Variants in MYH13 observed in about 807,000 individuals in gnomAD.
MYH13 encodes myosin-13.
MYH13 carries 177 observed loss-of-function variants against 232.1 expected under a neutral mutation model. That is an observed-to-expected ratio of 0.76 (90% CI 0.67 to 0.86). The LOEUF is 0.86. Ranked by LOEUF, MYH13 falls within the 40% of genes least tolerant of loss-of-function variation. The pLI, the probability that MYH13 is intolerant of heterozygous loss-of-function variation, is 0.00. For synonymous variants in MYH13, 884 were observed against 923.5 expected, an observed-to-expected ratio of 0.96 and a Z score of 0.78; for missense variants, 2,246 against 2,405.9, an observed-to-expected ratio of 0.93 and a Z score of 1.39.
chr17:10,355,027 CCA>C (rs1214840867), intron 9 of MYH13, 34 bp from the exon 10 acceptor site: 56 of 1,610,534 alleles, frequency 3.5e-5, no homozygotes, highest in Non-Finnish European at 4.6e-5. Flanking sequence ...TTTCAGGCTC[CCA>C]AGAGATGCTT....
At chr17:10,340,302 A>G in intron 17 of MYH13, 26 bp downstream of exon 17, 1 of 1,613,772 alleles carries the variant, frequency 6.2e-7, no homozygotes, top group Non-Finnish European at 8.5e-7. Context: ...AAAACAAGTG[A>G]ATATGGAAGC....
At chr17:10,353,846 C>T (rs1028302135) in intron 11 of MYH13, among the ~76,000 whole-genome samples, 6 of 151,302 alleles carry the variant, frequency 4.0e-5, no homozygotes, top group Non-Finnish European at 8.8e-5. Flanking sequence ...GCACTCCAGC[C>T]TGGGCGACAG....
At chr17:10,334,770 T>C (rs1302309695) in intron 18 of MYH13, among the ~76,000 whole-genome samples, 1 of 152,086 alleles carries the variant, frequency 6.6e-6, no homozygotes, top group African/African-American at 2.4e-5. Context: ...TCTCAGCTAC[T>C]CGGGAGGCTG....
chr17:10,368,487 A>T (rs554388871), intron 2 of MYH13, among the ~76,000 whole-genome samples: 2 of 152,350 alleles, frequency 1.3e-5, no homozygotes. Flanking sequence ...GGAGACAACC[A>T]TCAAACTTTG....
At chr17:10,326,981 G>GTTTTTTTTTTTT (rs61543278) in intron 22 of MYH13, among the ~76,000 whole-genome samples, 728 of 55,832 alleles carry the variant, frequency 0.013, 340 homozygotes, top group Middle Eastern at 0.023. Flanking sequence ...ATGCCTACTA[G>GTTTTTTTTTTTT]TTTTTTTTTT....
chr17:10,331,987 G>T, intron 20 of MYH13, 112 bp downstream of exon 20: 2 of 1,389,990 alleles, frequency 1.4e-6, no homozygotes, highest in Non-Finnish European at 2.0e-6. Context: ...GGGCGACTGG[G>T]CAAGGACGGT....
intron 18 of MYH13, among the ~76,000 whole-genome samples, chr17:10,338,857 C>G (rs555628284): frequency 1.3e-5 from 2 of 152,036 alleles, no homozygotes; most frequent in Non-Finnish European, 1.5e-5. Context: ...CCCGCCACCA[C>G]GCCCAGCTAA....
intron 11 of MYH13, among the ~76,000 whole-genome samples, chr17:10,353,515 C>T (rs75997302): frequency 0.021 from 3,130 of 152,148 alleles, 99 homozygotes; most frequent in East Asian, 0.11. Flanking sequence ...TGCTCACAGA[C>T]GGTATACTTT....
Position 10,345,331 on chromosome 17 carries a change from C to T in MYH13, c.1455G>A (p.Glu485=), listed in dbSNP as rs576037565. The change falls in exon 15 of 41, where the codon GAG becomes GAA. Residue 485 remains glutamate, a synonymous_variant. Coordinates refer to ENST00000252172, the MANE Select transcript of MYH13 (RefSeq NM_003802.3). ...GGTGGTTGAAAAACTGTTGCAGTTT[C>T]TCATTGGTGAAGTTGATGCACAGCT... ...LEQLCINFTN[E]KLQQFFNHHM... 12 of 1,614,214 alleles carry T rather than the reference C, an allele frequency of 7.4e-6. No homozygotes were observed. The South Asian group carries it at 1.2e-4, about 16-fold the overall frequency.
chr17:10,343,992 G>T lies in MYH13; in HGVS notation c.1702C>A (p.Pro568Thr), dbSNP rs144732640. 5.2e-4 allele frequency: 833 copies of T among 1,614,216 alleles called. 4 individuals carry two copies. In the African/African-American group the frequency reaches 9.1e-3, roughly 18 times the overall value. ...TCAGCCTTGCCTTTGGCAGGCTTGGGCTTCTGGAAGTTGTTGGATTTTCCA... is the reference window on the plus strand; with the variant it reads ...TCAGCCTTGCCTTTGGCAGGCTTGGTCTTCTGGAAGTTGTTGGATTTTCCA... Reference protein sequence around the residue: ...HLGKSNNFQKPKPAKGKAEAH... With the variant: ...HLGKSNNFQKTKPAKGKAEAH... Residue 568 changes from proline to threonine, a missense_variant, in exon 16 of 41, where the codon CCC becomes ACC. By Grantham distance (38) the Pro-to-Thr change is conservative. Transcript: ENST00000252172.
intron 11 of MYH13, among the ~76,000 whole-genome samples, chr17:10,352,173 G>A (rs569743183): frequency 1.3e-5 from 2 of 152,042 alleles, no homozygotes; most frequent in South Asian, 4.2e-4. Flanking sequence ...CCCTTTTGGA[G>A]AATGTCATCT....
intron 7 of MYH13, 143 bp from the exon 8 acceptor site, chr17:10,357,970 G>A (rs1047835335): frequency 8.0e-6 from 5 of 624,378 alleles, no homozygotes; most frequent in African/African-American, 1.8e-5. Context: ...CAGCACCCAC[G>A]CCCCCACCCC....
chr17:10,347,663 A>C (rs2071675994), intron 12 of MYH13, among the ~76,000 whole-genome samples: 1 of 148,828 alleles, frequency 6.7e-6, no homozygotes, highest in Non-Finnish European at 1.5e-5. Flanking sequence ...GGGGGCCTGC[A>C]TTGAGCTCAT....
chr17:10,323,787 A>AGAAGAAGAAGAAGAAGAAG (rs1305383879), intron 23 of MYH13, among the ~76,000 whole-genome samples: 2 of 66,740 alleles, frequency 3.0e-5, no homozygotes, highest in African/African-American at 1.3e-4. Flanking sequence ...AAAAAAAAAA[A>AGAAGAAGAAGAAGAAGAAG]AAGAAGAAGA....
chr17:10,307,856 A>G (rs902990750), intron 35 of MYH13, among the ~76,000 whole-genome samples: 10 of 152,246 alleles, frequency 6.6e-5, no homozygotes, highest in African/African-American at 2.4e-4. Context: ...TAGTAATCAT[A>G]GAAGTATATG....
At chr17:10,318,688 T>C in intron 27 of MYH13, 102 bp downstream of exon 27, 1 of 1,447,074 alleles carries the variant, frequency 6.9e-7, no homozygotes, top group East Asian at 2.3e-5. Flanking sequence ...GGTTTCAGTG[T>C]AGAACATGCA....
At chr17:10,311,825 G>A in intron 32 of MYH13, 86 bp downstream of exon 32, 6 of 1,483,640 alleles carry the variant, frequency 4.0e-6, no homozygotes, top group Non-Finnish European at 5.6e-6. Context: ...GGAAGGAGGT[G>A]TCTGGAGATG....
At chr17:10,366,087 T>C (rs1399090335) in intron 2 of MYH13, among the ~76,000 whole-genome samples, 1 of 152,074 alleles carries the variant, frequency 6.6e-6, no homozygotes, top group Non-Finnish European at 1.5e-5. Context: ...AGCTCTCTGG[T>C]CCACAGCCTC....
In MYH13 at chr17:10,303,147, C is replaced by T. The variant is rs773464497; in HGVS notation, c.5667+49G>A. On this transcript the variant is annotated intron_variant, in intron 39 of 40. Transcript: ENST00000252172. ...AGGATGGCGGGGACACCCAGGATGC[C>T]CCAGGGACTGTCTGTCTGTGGGCAC... is the stretch of plus-strand genomic sequence containing the variant. 3.2e-6 allele frequency: 5 copies of T among 1,553,892 alleles called. No homozygotes were observed. In the Admixed American group the frequency reaches 8.4e-5, roughly 26 times the overall value.
Sources: allele counts gnomAD v4.1 joint callset (sites outside exome capture counted in the v4.1 genomes callset), GRCh38; gene constraint gnomAD v4.1.1; transcripts MANE v1.5; gene names NCBI Gene and HGNC (gene_info 2026-07-23, HGNC 2026-07-21).